Variants in AP3B1 observed in about 807,000 individuals in gnomAD.
AP3B1 encodes adaptor related protein complex 3 subunit beta 1, also known as AP-3 complex subunit beta-1.
AP3B1 carries 61 observed loss-of-function variants against 132.5 expected under a neutral mutation model. That is an observed-to-expected ratio of 0.46 (90% CI 0.37 to 0.57). The LOEUF (loss-of-function observed/expected upper bound fraction) is 0.57. AP3B1 is among the 20% of genes least tolerant of loss of function. The probability of loss-of-function intolerance (pLI) is 0.00; values close to 1 mark genes in which losing one functional copy is unlikely to be tolerated. For synonymous variants in AP3B1, 388 were observed against 438.3 expected, an observed-to-expected ratio of 0.89 and a Z score of 1.43; for missense variants, 1,120 against 1,289.4, an observed-to-expected ratio of 0.87 and a Z score of 2.01.
At chr5:78,116,867 T>C (rs887759921) in intron 17 of AP3B1, among the ~76,000 whole-genome samples, 6 of 152,024 alleles carry the variant, frequency 3.9e-5, no homozygotes, top group African/African-American at 1.2e-4. Context: ...GCATCTAGAA[T>C]GATTATATTA....
intron 7 of AP3B1, among the ~76,000 whole-genome samples, chr5:78,198,486 G>A (rs527972561): frequency 6.6e-6 from 1 of 152,300 alleles, no homozygotes; most frequent in African/African-American, 2.4e-5. Flanking sequence ...TATGGTGGAA[G>A]AGAGGAAGCA....
chr5:78,087,711 G>C (rs1342180395), intron 22 of AP3B1: 1 of 984,178 alleles, frequency 1.0e-6, no homozygotes. Context: ...TAGTATAAAA[G>C]GGTGAGTCTG....
At chr5:78,122,395 T>G (rs563213173) in intron 17 of AP3B1, among the ~76,000 whole-genome samples, 94 of 152,300 alleles carry the variant, frequency 6.2e-4, no homozygotes, top group East Asian at 1.7e-3. Context: ...TAGGAAAAGA[T>G]GAAGTCAAAT....
At chr5:78,271,431 AAAAC>A (rs747610941) in intron 1 of AP3B1, among the ~76,000 whole-genome samples, 237 of 152,332 alleles carry the variant, frequency 1.6e-3, no homozygotes, top group Non-Finnish European at 2.4e-3. Flanking sequence ...CAAAAAACAA[AAAAC>A]AAACAAACTT....
chr5:78,107,958 TAAGGTAGGTAC>T (rs1751410713), intron 20 of AP3B1, among the ~76,000 whole-genome samples: 2 of 152,214 alleles, frequency 1.3e-5, no homozygotes, highest in East Asian at 3.8e-4. Context: ...TTGAAAGAAG[TAAGGTAGGTAC>T]TAGCATGTCT....
At chr5:78,168,008 C>G (rs1446554740) in intron 11 of AP3B1, among the ~76,000 whole-genome samples, 1 of 134,326 alleles carries the variant, frequency 7.4e-6, no homozygotes, top group Admixed American at 7.9e-5. Flanking sequence ...CACCAAAAAC[C>G]TACTGAAAAA....
intron 3 of AP3B1, among the ~76,000 whole-genome samples, chr5:78,231,580 C>G (rs1746655700): frequency 6.6e-6 from 1 of 152,026 alleles, no homozygotes; most frequent in Middle Eastern, 3.2e-3. Flanking sequence ...AAATAGACCA[C>G]CAATTGTAAA....
intron 17 of AP3B1, among the ~76,000 whole-genome samples, chr5:78,126,103 A>G (rs983568406): frequency 1.3e-5 from 2 of 151,880 alleles, no homozygotes; most frequent in African/African-American, 4.8e-5. Context: ...AAAAAAACGA[A>G]CCATAAAAAC....
At chr5:78,274,031 G>GAAAAAAAA (rs1748667185) in intron 1 of AP3B1, among the ~76,000 whole-genome samples, 1 of 97,666 alleles carries the variant, frequency 1.0e-5, no homozygotes, top group African/African-American at 3.5e-5. Flanking sequence ...AAGAAAAAAA[G>GAAAAAAAA]GAAAAAAAAA....
chr5:78,132,207 A>G (rs892674609), intron 15 of AP3B1, among the ~76,000 whole-genome samples: 1 of 152,134 alleles, frequency 6.6e-6, no homozygotes, highest in Non-Finnish European at 1.5e-5. Context: ...CACAACAACC[A>G]ATTCCTAAAA....
At chr5:78,269,270 T>C (rs1218970548) in intron 1 of AP3B1, among the ~76,000 whole-genome samples, 1 of 152,222 alleles carries the variant, frequency 6.6e-6, no homozygotes, top group Admixed American at 6.5e-5. Flanking sequence ...TAGTTACCTG[T>C]AGCTTTCTAG....
chr5:78,097,015 G>A, intron 21 of AP3B1, among the ~76,000 whole-genome samples: 1 of 132,988 alleles, frequency 7.5e-6, no homozygotes, highest in Non-Finnish European at 1.6e-5. Context: ...GGGAGGTGGG[G>A]GGGTCAGCCC....
intron 1 of AP3B1, among the ~76,000 whole-genome samples, chr5:78,277,348 C>T (rs998023841): frequency 2.0e-5 from 3 of 151,548 alleles, no homozygotes. Flanking sequence ...TTTTAACAAA[C>T]AAGGAATTGG....
chr5:78,241,303 A>AT (rs1377170854), intron 2 of AP3B1, among the ~76,000 whole-genome samples: 2 of 151,782 alleles, frequency 1.3e-5, no homozygotes, highest in African/African-American at 4.8e-5. Flanking sequence ...GGTTTAAGTG[A>AT]TCCCCCACCT....
chr5:78,012,497 T>C (rs1445647646), intron 26 of AP3B1, among the ~76,000 whole-genome samples: 2 of 152,244 alleles, frequency 1.3e-5, no homozygotes. Flanking sequence ...ACCTGGAAGC[T>C]TTCTAAAATT....
intron 18 of AP3B1, among the ~76,000 whole-genome samples, chr5:78,115,687 T>C (rs575856408): frequency 9.2e-5 from 14 of 152,212 alleles, no homozygotes; most frequent in Non-Finnish European, 1.9e-4. Context: ...TTTAGCTTTA[T>C]CTCTATAGAG....
chr5:78,037,701 C>T (rs559337588), intron 23 of AP3B1, among the ~76,000 whole-genome samples: 16 of 152,264 alleles, frequency 1.1e-4, no homozygotes, highest in African/African-American at 3.1e-4. Context: ...GGTACAATTA[C>T]CTAATTTTAC....
At chr5:78,123,716 G>T (rs1287017061) in intron 17 of AP3B1, among the ~76,000 whole-genome samples, 1 of 151,950 alleles carries the variant, frequency 6.6e-6, no homozygotes, top group Non-Finnish European at 1.5e-5. Context: ...TGGAGAGGAT[G>T]TGGAGAAATA....
intron 1 of AP3B1, among the ~76,000 whole-genome samples, chr5:78,281,093 CA>C (rs1032407258): frequency 6.6e-6 from 1 of 152,076 alleles, no homozygotes; most frequent in African/African-American, 2.4e-5. Flanking sequence ...TCTAAAAGTG[CA>C]AATCACTTAA....
Sources: allele counts gnomAD v4.1 joint callset (sites outside exome capture counted in the v4.1 genomes callset), GRCh38; gene constraint gnomAD v4.1.1; transcripts MANE v1.5; gene names NCBI Gene and HGNC (gene_info 2026-07-23, HGNC 2026-07-21).